SPATA13: variants seen among roughly 807,000 people sequenced by gnomAD.
SPATA13 encodes the protein spermatogenesis-associated protein 13.
Under a neutral mutation model 104.0 loss-of-function variants are expected in SPATA13, and 50 were observed. The ratio of observed to expected loss-of-function variants is 0.48; its 90% CI spans 0.38 to 0.61. The LOEUF (loss-of-function observed/expected upper bound fraction) is 0.61. Ranked by LOEUF, SPATA13 falls within the 20% of genes least tolerant of loss-of-function variation. The pLI is 0.00. For synonymous variants in SPATA13, 606 were observed against 667.5 expected (o/e 0.91, Z 1.42); for missense variants, 1,524 against 1,690.6 (o/e 0.90, Z 1.73).
intron 1 of SPATA13, among the ~76,000 whole-genome samples, chr13:24,168,969 T>C (rs1190778652): frequency 2.6e-5 from 4 of 152,210 alleles, no homozygotes; most frequent in Non-Finnish European, 4.4e-5. Flanking sequence ...TTTTTTGTTG[T>C]TTTCTTTTCT....
chr13:24,234,188 G>T (rs2138631925), intron 2 of SPATA13, among the ~76,000 whole-genome samples: 1 of 152,244 alleles, frequency 6.6e-6, no homozygotes, highest in African/African-American at 2.4e-5. Context: ...TCTTATTAAT[G>T]CTATGCATGT....
intron 2 of SPATA13, among the ~76,000 whole-genome samples, chr13:24,006,629 C>G (rs556269126): frequency 6.6e-6 from 1 of 152,136 alleles, no homozygotes; most frequent in Non-Finnish European, 1.5e-5. Context: ...TGGGAGGTGC[C>G]GGCTGATTTG....
chr13:24,157,739 T>C (rs145007806), upstream of SPATA13, among the ~76,000 whole-genome samples: 1,177 of 152,280 alleles, frequency 7.7e-3, 15 homozygotes, highest in African/African-American at 0.026. Flanking sequence ...CCCTGCTGAA[T>C]GGAACTTTCA....
At chr13:24,101,210 C>G (rs6650255) in intron 3 of SPATA13, among the ~76,000 whole-genome samples, 4,501 of 152,282 alleles carry the variant, frequency 0.03, 179 homozygotes, top group African/African-American at 0.09. Flanking sequence ...ATCCTCTCTT[C>G]TCTTTCTCGC....
intron 2 of SPATA13, among the ~76,000 whole-genome samples, chr13:23,989,641 G>A (rs1012608653): frequency 1.3e-5 from 2 of 152,134 alleles, no homozygotes; most frequent in Admixed American, 1.3e-4. Context: ...TCCTGAGTTT[G>A]CTGTCTTGCT....
In SPATA13 at chr13:24,256,022, G is replaced by A. The variant is rs149014314; in HGVS notation, c.2164+4160G>A. Among the ~76,000 whole-genome samples, 558 of 152,326 alleles carry A rather than the reference G, an allele frequency of 3.7e-3. 3 individuals carry two copies. The highest frequency in any genetic ancestry group is 0.013 in the African/African-American group (532 of 41,570). ...GTGAAATACTTTCTGCATAAAATAT[G>A]ATATGTGAGATTTGTTTTAAAATAC... On this transcript the variant is annotated intron_variant, in intron 4 of 12. Transcript: ENST00000382108.
chr13:24,001,682 T>G (rs1255171421), intron 2 of SPATA13, among the ~76,000 whole-genome samples: 2 of 151,646 alleles, frequency 1.3e-5, no homozygotes, highest in Non-Finnish European at 2.9e-5. Context: ...GGTGAGGAGT[T>G]TTGGATACTG....
chr13:24,145,848 C>G (rs539623360), intron 3 of SPATA13, among the ~76,000 whole-genome samples: 2 of 152,326 alleles, frequency 1.3e-5, no homozygotes, highest in East Asian at 1.9e-4. Flanking sequence ...ACGGCGGAGA[C>G]AGAGCACAGC....
intron 2 of SPATA13, among the ~76,000 whole-genome samples, chr13:24,242,359 C>G (rs1872889438): frequency 6.6e-6 from 1 of 152,192 alleles, no homozygotes; most frequent in Non-Finnish European, 1.5e-5. Flanking sequence ...CAGAAGCCAG[C>G]AGTGCAGACT....
At chr13:24,024,951 TATATAA>T (rs1877144473) in intron 3 of SPATA13, among the ~76,000 whole-genome samples, 1 of 149,038 alleles carries the variant, frequency 6.7e-6, no homozygotes, top group Non-Finnish European at 1.5e-5. Context: ...TATAAATATA[TATATAA>T]ATATATATAT....
At chr13:24,283,491 C>T (rs986688432) in intron 4 of SPATA13, among the ~76,000 whole-genome samples, 1 of 152,204 alleles carries the variant, frequency 6.6e-6, no homozygotes, top group East Asian at 1.9e-4. Context: ...TTGGCTTTGC[C>T]AAGGGTGGCT....
intron 2 of SPATA13, among the ~76,000 whole-genome samples, chr13:24,230,358 ATGCAGTAAG>A (rs558029484): frequency 1.5e-3 from 229 of 152,308 alleles, no homozygotes; most frequent in Non-Finnish European, 2.7e-3. Flanking sequence ...CCTCATGAGA[ATGCAGTAAG>A]TGCCGCAGGA....
At chr13:24,297,073 C>T (rs1876837329) in intron 10 of SPATA13, among the ~76,000 whole-genome samples, 1 of 152,116 alleles carries the variant, frequency 6.6e-6, no homozygotes. Context: ...GGGTCTTGCT[C>T]TGCCCCTCAG....
intron 3 of SPATA13, among the ~76,000 whole-genome samples, chr13:24,091,684 A>C (rs995991891): frequency 2.6e-5 from 4 of 152,156 alleles, no homozygotes; most frequent in Non-Finnish European, 4.4e-5. Context: ...GGTGGTGTGC[A>C]CCTGTAATCC....
chr13:24,175,498 G>T (rs1883180408), intron 1 of SPATA13, among the ~76,000 whole-genome samples: 1 of 152,164 alleles, frequency 6.6e-6, no homozygotes. Context: ...AACCCAGCTT[G>T]ATCTCAGAAT....
At position 24,211,669 on chromosome 13, in the gene SPATA13, T is replaced by C. The variant is rs372385362; in HGVS notation, c.-111-11150T>C. Among the ~76,000 whole-genome samples the C allele has an allele frequency of 1.3e-3, 200 of 152,234 alleles. 3 individuals carry two copies. The highest frequency in any genetic ancestry group is 4.3e-3 in the African/African-American group (180 of 41,522). Reference sequence around the variant, plus strand: ...TTGTCCAGCTGGTCAGCAGGCCATGTTGACTCTCTCCCCATCACCTCTCCC... The same window carrying C: ...TTGTCCAGCTGGTCAGCAGGCCATGCTGACTCTCTCCCCATCACCTCTCCC... On this transcript the variant is annotated intron_variant, in intron 1 of 12. Coordinates refer to ENST00000382108, the MANE Select transcript of SPATA13 (RefSeq NM_001166271.3).
chr13:24,065,987 T>C (rs1187071991), intron 3 of SPATA13, among the ~76,000 whole-genome samples: 4 of 152,250 alleles, frequency 2.6e-5, no homozygotes. Flanking sequence ...TTTCTAGGGC[T>C]GTTGTAAAGG....
At chr13:24,270,006 G>A (rs1341471245) in intron 4 of SPATA13, among the ~76,000 whole-genome samples, 2 of 151,960 alleles carry the variant, frequency 1.3e-5, no homozygotes, top group African/African-American at 4.8e-5. Flanking sequence ...ACAGGCATGA[G>A]CCAGCGGGCC....
At position 24,304,297 on chromosome 13, in the gene SPATA13, G is replaced by GACAAC. The variant is rs1877426108; in HGVS notation, c.*1524_*1525insACAAC. 6.6e-6 allele frequency: 1 copy of GACAAC among 152,216 alleles called. No individual in the cohort carries two copies. The highest frequency in any genetic ancestry group is 2.4e-5 in the African/African-American group (1 of 41,456). 9.4% of individuals were successfully genotyped at this position (152,216 alleles called of 1,614,324 possible). A position where few individuals can be genotyped will look rare whatever the true frequency, so the allele number is the denominator to read the frequency against. On this transcript the variant is annotated 3_prime_UTR_variant, in exon 13 of 13. Coordinates refer to ENST00000382108, the MANE Select transcript of SPATA13 (RefSeq NM_001166271.3). ...TAATCATCTCCTTTTCTTTGTCTAT[G>GACAAC]TTGTACATTTTCATGATATAACTTT...
Sources: allele counts gnomAD v4.1 joint callset (sites outside exome capture counted in the v4.1 genomes callset), GRCh38; gene constraint gnomAD v4.1.1; transcripts MANE v1.5; gene names NCBI Gene and HGNC (gene_info 2026-07-23, HGNC 2026-07-21).